The following MRAP2 variants were observed in gnomAD, a reference collection of about 807,000 sequenced individuals.
The protein encoded by MRAP2 is melanocortin 2 receptor accessory protein 2.
MRAP2 carries 20 observed loss-of-function variants against 17.4 expected under a neutral mutation model. The ratio of observed to expected loss-of-function variants is 1.15; its 90% confidence interval spans 0.81 to 1.67. MRAP2 has a LOEUF of 1.67. Ranked by LOEUF, MRAP2 falls within the 40% of genes most tolerant of loss-of-function variation. The probability of loss-of-function intolerance (pLI) is 0.00; values close to 1 mark genes in which losing one functional copy is unlikely to be tolerated. For synonymous variants in MRAP2, 96 were observed against 88.4 expected (o/e 1.09, Z -0.48); for missense variants, 238 against 240.0 (o/e 0.99, Z 0.05).
At chr6:84,112,757 T>C in the MRAP2 span, among the ~76,000 whole-genome samples, 1 of 152,222 alleles carries the variant, frequency 6.6e-6, no homozygotes, top group Non-Finnish European at 1.5e-5. Context: ...AATTTCCCTC[T>C]ACACACTGCT....
chr6:84,134,204 C>T, the MRAP2 span, among the ~76,000 whole-genome samples: 28 of 152,270 alleles, frequency 1.8e-4, no homozygotes, highest in African/African-American at 6.3e-4. Context: ...GGATGCCACT[C>T]CCCCCACCAA....
chr6:84,034,331 G>A (rs1278114588), intron 1 of MRAP2, among the ~76,000 whole-genome samples: 3 of 152,272 alleles, frequency 2.0e-5, no homozygotes, highest in Non-Finnish European at 2.9e-5. Flanking sequence ...TCCTGGCCCC[G>A]GGCGCGCCTC....
intron 3 of MRAP2, among the ~76,000 whole-genome samples, chr6:84,087,406 G>GTT (rs1562893123): frequency 6.6e-6 from 1 of 152,172 alleles, no homozygotes; most frequent in Non-Finnish European, 1.5e-5. Flanking sequence ...TAGGAGGCAG[G>GTT]TTTGCCCTAA....
At chr6:84,125,173 C>G in the MRAP2 span, 2 of 1,613,424 alleles carry the variant, frequency 1.2e-6, no homozygotes, top group African/African-American at 2.7e-5. Flanking sequence ...TAGTTCTGTG[C>G]GGAACTTCTC....
the MRAP2 span, among the ~76,000 whole-genome samples, chr6:84,114,338 C>A: frequency 7.2e-5 from 11 of 152,152 alleles, no homozygotes; most frequent in East Asian, 2.1e-3. Flanking sequence ...AATCTTCAAT[C>A]TCTGATGTCC....
the MRAP2 span, among the ~76,000 whole-genome samples, chr6:84,108,608 A>G: frequency 6.6e-6 from 1 of 152,102 alleles, no homozygotes; most frequent in Non-Finnish European, 1.5e-5. Context: ...ATTGCCAAAA[A>G]TCTTCTCCCA....
chr6:84,049,386 C>T (rs2099489821), intron 1 of MRAP2, among the ~76,000 whole-genome samples: 1 of 152,074 alleles, frequency 6.6e-6, no homozygotes, highest in African/African-American at 2.4e-5. Flanking sequence ...GATTACACCA[C>T]TGCACTTCAG....
chr6:84,116,942 C>T, the MRAP2 span, among the ~76,000 whole-genome samples: 4 of 151,706 alleles, frequency 2.6e-5, no homozygotes, highest in South Asian at 2.1e-4. Flanking sequence ...ACTGGCTTGC[C>T]GTTTCCTTCC....
chr6:84,049,670 T>C (rs1344625573), intron 1 of MRAP2, among the ~76,000 whole-genome samples: 2 of 152,200 alleles, frequency 1.3e-5, no homozygotes, highest in Non-Finnish European at 2.9e-5. Flanking sequence ...CCATTTCTGT[T>C]TTTGGAAGTT....
At chr6:84,131,015 A>AC in the MRAP2 span, among the ~76,000 whole-genome samples, 1 of 152,140 alleles carries the variant, frequency 6.6e-6, no homozygotes, top group East Asian at 1.9e-4. Context: ...TTCCCTCTAC[A>AC]CACTGCTTTA....
chr6:84,037,645 C>A (rs548497802), intron 1 of MRAP2, among the ~76,000 whole-genome samples: 140 of 152,302 alleles, frequency 9.2e-4, no homozygotes, highest in Middle Eastern at 3.4e-3. Context: ...GCGGCTGAGG[C>A]CCGGTGAGAA....
At chr6:84,048,866 A>G (rs559196229) in intron 1 of MRAP2, among the ~76,000 whole-genome samples, 2 of 152,342 alleles carry the variant, frequency 1.3e-5, no homozygotes, top group East Asian at 1.9e-4. Context: ...TCATTCTGCT[A>G]TGCTTGATTA....
At chr6:84,126,161 C>CT in the MRAP2 span, among the ~76,000 whole-genome samples, 1 of 151,912 alleles carries the variant, frequency 6.6e-6, no homozygotes, top group Admixed American at 6.6e-5. Flanking sequence ...CAAGTTTTTG[C>CT]TTTTTTTCCA....
intron 2 of MRAP2, chr6:84,062,418 T>G (rs7776208): frequency 0.027 from 13,250 of 490,808 alleles, 1,544 homozygotes; most frequent in African/African-American, 0.25. Context: ...TCTCTGAATC[T>G]ATTCTGATTC....
At chr6:84,100,190 T>A in the MRAP2 span, among the ~76,000 whole-genome samples, 3 of 152,174 alleles carry the variant, frequency 2.0e-5, no homozygotes, top group East Asian at 3.9e-4. Context: ...TCCTGTTTAT[T>A]TTTGTTTTGA....
the MRAP2 span, among the ~76,000 whole-genome samples, chr6:84,127,044 C>T: frequency 6.6e-6 from 1 of 152,116 alleles, no homozygotes; most frequent in South Asian, 2.1e-4. Flanking sequence ...TAATGAAGTA[C>T]TGAGCCCTTT....
chr6:84,034,342 C>G (rs2099485382), intron 1 of MRAP2, among the ~76,000 whole-genome samples: 1 of 152,194 alleles, frequency 6.6e-6, no homozygotes, highest in African/African-American at 2.4e-5. Flanking sequence ...GGCGCGCCTC[C>G]ATGCACTGGG....
Position 84,089,267 on chromosome 6 carries a change from C to G in MRAP2, c.404C>G (p.Thr135Ser). 1 of 1,614,196 alleles carries G rather than the reference C, an allele frequency of 6.2e-7. No homozygotes were observed. The change falls in exon 4 of 4, where the codon ACC becomes AGC. Residue 135 changes from threonine (T) to serine (S), a missense_variant. Coordinates refer to ENST00000257776, the MANE Select transcript of MRAP2 (RefSeq NM_138409.4). ...GACAGAGCCAAAGCTTGTCACCAGA[C>G]CACAGCCCTTGACAGTGACGTCCAA... ...RLDRAKACHQ[T>S]TALDSDVQLQ...
chr6:84,086,998 G>A (rs146108447), intron 3 of MRAP2, among the ~76,000 whole-genome samples: 119 of 152,282 alleles, frequency 7.8e-4, no homozygotes, highest in African/African-American at 2.1e-3. Flanking sequence ...GGAATGGTGT[G>A]GACCCCAGCA....
Sources: allele counts gnomAD v4.1 joint callset (sites outside exome capture counted in the v4.1 genomes callset), GRCh38; gene constraint gnomAD v4.1.1; transcripts MANE v1.5; gene names NCBI Gene and HGNC (gene_info 2026-07-23, HGNC 2026-07-21).